Variants in ADARB1 observed in about 807,000 individuals in gnomAD.
ADARB1 encodes the protein double-stranded RNA-specific editase 1.
In ADARB1, 10 loss-of-function variants were observed where a neutral mutation model predicts 52.4. The ratio of observed to expected loss-of-function variants is 0.19; its 90% CI spans 0.12 to 0.32. The LOEUF (loss-of-function observed/expected upper bound fraction) is 0.32. ADARB1 is among the 10% of genes least tolerant of loss of function. The pLI is 1.00. For synonymous variants in ADARB1, 349 were observed against 371.1 expected, an observed-to-expected ratio of 0.94 and a Z score of 0.68; for missense variants, 643 against 922.3, an observed-to-expected ratio of 0.70 and a Z score of 3.92.
Position 45,200,231 on chromosome 21 carries a change from G to C in ADARB1, c.1566-4324G>C, listed in dbSNP as rs566595437. 1.3e-5 allele frequency among the ~76,000 whole-genome samples: 2 copies of C among 152,302 alleles called. No homozygotes were observed. The highest frequency in any genetic ancestry group is 4.1e-4 in the South Asian group (2 of 4,822). ...AGGGCCATGGTAGGTTGGGGGTGGG[G>C]TGGGAGCCACAGCACTGCCATTGGA... On this transcript the variant is annotated intron_variant, in intron 8 of 10. Coordinates refer to ENST00000348831, the MANE Select transcript of ADARB1 (RefSeq NM_001112.4). This position sits in a 1 kb window ranked among gnomAD's most constrained non-coding sequence, Gnocchi z 5.0.
intron 2 of ADARB1, chr21:45,134,819 G>A (rs1394521328): frequency 3.7e-6 from 2 of 534,044 alleles, no homozygotes; most frequent in Non-Finnish European, 7.7e-6. Flanking sequence ...GGATGAAGAC[G>A]CCTTGCCAGC....
chr21:45,136,645 T>C (rs1601528651), intron 2 of ADARB1, among the ~76,000 whole-genome samples: 1 of 151,300 alleles, frequency 6.6e-6, no homozygotes, highest in Non-Finnish European at 1.5e-5. Context: ...CTGGCGGGGG[T>C]AGAAAACAGT....
rs190903434 is a variant in ADARB1, at chr21:45,149,555, A to G, written c.-48+20982A>G. The stretch of plus-strand genomic sequence containing the variant: ...AAATGGAAAAAATATGTGGGGACCT[A>G]TGGTTTTTATATGAATTAATGTTGG... On this transcript the variant is annotated intron_variant, in intron 2 of 10. Coordinates refer to ENST00000348831, the MANE Select transcript of ADARB1 (RefSeq NM_001112.4). Among the ~76,000 whole-genome samples the G allele has an allele frequency of 1.4e-3, 211 of 152,356 alleles. 1 individual carries two copies. The highest frequency in any genetic ancestry group is 4.9e-3 in the African/African-American group (202 of 41,592).
chr21:45,115,287 T>A (rs2087766658), intron 1 of ADARB1, among the ~76,000 whole-genome samples: 1 of 152,180 alleles, frequency 6.6e-6, no homozygotes, highest in Non-Finnish European at 1.5e-5. Context: ...GCTGAGCCGC[T>A]GTGATGGGAA....
chr21:45,186,818 G>T (rs1317266650), intron 8 of ADARB1, among the ~76,000 whole-genome samples: 1 of 152,106 alleles, frequency 6.6e-6, no homozygotes, highest in Admixed American at 6.5e-5. Flanking sequence ...GAGTAGTCTT[G>T]CACTCTGTTG....
At chr21:45,103,674 C>T (rs1409656689) in intron 1 of ADARB1, among the ~76,000 whole-genome samples, 1 of 152,050 alleles carries the variant, frequency 6.6e-6, no homozygotes, top group Non-Finnish European at 1.5e-5. Flanking sequence ...GTTACTTGTC[C>T]ATGGCCCAGG....
chr21:45,149,974 A>G (rs2090201496), intron 2 of ADARB1, among the ~76,000 whole-genome samples: 1 of 152,192 alleles, frequency 6.6e-6, no homozygotes, highest in African/African-American at 2.4e-5. Context: ...ACTTGATCTA[A>G]AGGATTAAAA....
intron 1 of ADARB1, among the ~76,000 whole-genome samples, chr21:45,093,013 G>A (rs888285561): frequency 1.3e-5 from 2 of 151,908 alleles, no homozygotes; most frequent in Non-Finnish European, 2.9e-5. Flanking sequence ...AGGGTAATCT[G>A]TTACTAGGCC....
intron 1 of ADARB1, among the ~76,000 whole-genome samples, chr21:45,111,786 A>AT: frequency 6.6e-6 from 1 of 152,190 alleles, no homozygotes; most frequent in Non-Finnish European, 1.5e-5. Context: ...GGATAGTTAG[A>AT]CGGTTTCCAG....
intron 1 of ADARB1, among the ~76,000 whole-genome samples, chr21:45,090,816 C>T (rs1307852733): frequency 6.6e-6 from 1 of 152,236 alleles, no homozygotes; most frequent in African/African-American, 2.4e-5. Context: ...CTCTTCTGTG[C>T]ACATGCAGCT....
intron 1 of ADARB1, among the ~76,000 whole-genome samples, chr21:45,079,219 C>G (rs2086060265): frequency 6.6e-6 from 1 of 152,156 alleles, no homozygotes; most frequent in Non-Finnish European, 1.5e-5. Context: ...ATGCTGCTAA[C>G]AAAGGGAAAA....
intron 8 of ADARB1, among the ~76,000 whole-genome samples, chr21:45,199,745 G>A (rs1490670096): frequency 6.6e-6 from 1 of 152,178 alleles, no homozygotes; most frequent in African/African-American, 2.4e-5. Context: ...GAAAAGAAAA[G>A]CCACATATTG....
intron 1 of ADARB1, among the ~76,000 whole-genome samples, chr21:45,108,173 G>T (rs578099097): frequency 8.5e-5 from 13 of 152,190 alleles, no homozygotes; most frequent in African/African-American, 3.1e-4. Flanking sequence ...TGTTTTAAAA[G>T]TTGAGGGAGA....
chr21:45,095,131 T>C (rs1338586927), intron 1 of ADARB1, among the ~76,000 whole-genome samples: 1 of 152,258 alleles, frequency 6.6e-6, no homozygotes, highest in Non-Finnish European at 1.5e-5. Flanking sequence ...TCAACAGGAC[T>C]GTACAGAACT....
chr21:45,104,123 G>T (rs1231376457), intron 1 of ADARB1, among the ~76,000 whole-genome samples: 6 of 152,196 alleles, frequency 3.9e-5, no homozygotes, highest in Non-Finnish European at 5.9e-5. Context: ...AGTGTGTTCT[G>T]TTCCCTTCAG....
chr21:45,084,435 C>T (rs901605187), intron 1 of ADARB1, among the ~76,000 whole-genome samples: 2 of 152,112 alleles, frequency 1.3e-5, no homozygotes, highest in South Asian at 2.1e-4. Flanking sequence ...AGGGGTTAAG[C>T]GGGCTTAGGA....
intron 2 of ADARB1, among the ~76,000 whole-genome samples, chr21:45,162,432 A>G (rs1479618118): frequency 6.6e-6 from 1 of 152,122 alleles, no homozygotes. Flanking sequence ...CTTGGCAGGC[A>G]TGGGATCCAG....
chr21:45,100,654 G>C (rs2123727742), intron 1 of ADARB1: 1 of 152,390 alleles, frequency 6.6e-6, no homozygotes, highest in East Asian at 1.9e-4. Context: ...TGAAACCTCG[G>C]TGTCCGGTTG....
intron 1 of ADARB1, among the ~76,000 whole-genome samples, chr21:45,077,269 GA>G (rs2085975928): frequency 6.6e-6 from 1 of 152,160 alleles, no homozygotes; most frequent in Non-Finnish European, 1.5e-5. Flanking sequence ...ACTTTGGAAA[GA>G]AATAGATGAA....
Sources: gnomAD v4.1 joint callset for allele counts (sites outside exome capture counted in the v4.1 genomes callset) on GRCh38, gnomAD v4.1.1 for gene constraint, Gnocchi (gnomAD v3.1) non-coding constraint, MANE v1.5 for transcripts, NCBI Gene and HGNC (gene_info 2026-07-23, HGNC 2026-07-21) for gene names.